The following TRIM9 variants were observed in gnomAD, a reference collection of about 807,000 sequenced individuals.
TRIM9 encodes tripartite motif containing 9.
In TRIM9, 26 loss-of-function variants were observed where a neutral mutation model predicts 78.3. The ratio of observed to expected loss-of-function variants is 0.33; its 90% CI spans 0.24 to 0.46. The LOEUF is 0.46. Among genes scored for constraint, TRIM9 ranks in the 20% least tolerant of loss-of-function variants. The probability of loss-of-function intolerance (pLI) is 1.00; values close to 1 mark genes in which losing one functional copy is unlikely to be tolerated. For missense variants in TRIM9, 787 were observed against 1,036.4 expected, an observed-to-expected ratio of 0.76 and a Z score of 3.30; for synonymous variants, 398 against 416.5, an observed-to-expected ratio of 0.96 and a Z score of 0.54.
At chr14:51,050,978 C>A (rs774352391) in intron 1 of TRIM9, among the ~76,000 whole-genome samples, 1 of 152,168 alleles carries the variant, frequency 6.6e-6, no homozygotes, top group Non-Finnish European at 1.5e-5. Context: ...CAAGCCAAGC[C>A]AAGATGCTGC....
chr14:50,992,794 G>A (rs2053690894), intron 7 of TRIM9, among the ~76,000 whole-genome samples: 1 of 152,134 alleles, frequency 6.6e-6, no homozygotes, highest in Non-Finnish European at 1.5e-5. Flanking sequence ...TCTAATCGGG[G>A]AGAAAGACAT....
intron 1 of TRIM9, 133 bp downstream of exon 1, chr14:51,093,985 G>C (rs2064697580): frequency 1.2e-6 from 1 of 833,426 alleles, no homozygotes; most frequent in African/African-American, 1.7e-5. Context: ...ACCAGACCAG[G>C]GAGGTAAACA....
chr14:50,983,723 C>T (rs1234332586), intron 8 of TRIM9, among the ~76,000 whole-genome samples: 1 of 152,114 alleles, frequency 6.6e-6, no homozygotes, highest in African/African-American at 2.4e-5. Flanking sequence ...AGTAAGAAGG[C>T]TAGCTGTTTT....
chr14:50,996,501 T>C, intron 7 of TRIM9: 2 of 985,436 alleles, frequency 2.0e-6, no homozygotes, highest in Non-Finnish European at 2.4e-6. Context: ...ATAGAAATAG[T>C]TTTCCCGCAG....
intron 1 of TRIM9, among the ~76,000 whole-genome samples, chr14:51,079,356 C>T (rs2063098105): frequency 6.6e-6 from 1 of 152,168 alleles, no homozygotes; most frequent in African/African-American, 2.4e-5. Context: ...AGATGGAATT[C>T]ATAAATTATT....
intron 1 of TRIM9, among the ~76,000 whole-genome samples, chr14:51,036,699 G>C (rs1402118985): frequency 6.6e-6 from 1 of 152,218 alleles, no homozygotes; most frequent in Non-Finnish European, 1.5e-5. Flanking sequence ...TTTCGATCCA[G>C]TGTTGGTTGA....
intron 3 of TRIM9, among the ~76,000 whole-genome samples, chr14:51,020,815 C>T (rs185885472): frequency 6.6e-6 from 1 of 152,202 alleles, no homozygotes; most frequent in African/African-American, 2.4e-5. Flanking sequence ...CAAAAAATTC[C>T]TCCTCCAGAT....
chr14:51,040,603 T>A (rs1345256829), intron 1 of TRIM9, among the ~76,000 whole-genome samples: 1 of 152,266 alleles, frequency 6.6e-6, no homozygotes, highest in Non-Finnish European at 1.5e-5. Context: ...GTCCTGCTTT[T>A]TAGAAAGGTT....
chr14:51,044,754 T>C (rs2059821618), intron 1 of TRIM9, among the ~76,000 whole-genome samples: 2 of 152,208 alleles, frequency 1.3e-5, no homozygotes, highest in African/African-American at 4.8e-5. Flanking sequence ...TGTTTTGTTA[T>C]ATGGCTAAAC....
chr14:51,063,550 C>A, intron 1 of TRIM9, among the ~76,000 whole-genome samples: 1 of 151,932 alleles, frequency 6.6e-6, no homozygotes, highest in South Asian at 2.1e-4. Context: ...ATATGACAGT[C>A]AAAGTCCTAA....
rs562396303 is a variant in TRIM9 at position 51,024,501 on chromosome 14, T to C, written c.918+764A>G. 2.0e-5 allele frequency among the ~76,000 whole-genome samples: 3 copies of C among 152,314 alleles called. No individual in the cohort carries two copies. In the South Asian group the frequency reaches 6.2e-4, roughly 32 times the overall value. On this transcript the variant is annotated intron_variant, in intron 2 of 12. Coordinates refer to ENST00000684578, the MANE Select transcript of TRIM9 (RefSeq NM_001387360.1). ...AATTTACTGGAGGCCAGAACTAAGG[T>C]TATTTCTGTGAGGCAAACCTCAAAA...
At chr14:50,983,066 G>T in intron 9 of TRIM9, 101 bp from the exon 10 acceptor site, 2 of 1,166,406 alleles carry the variant, frequency 1.7e-6, no homozygotes, top group South Asian at 1.3e-5. Flanking sequence ...TACCCCAAAA[G>T]GACTCAATTT....
In TRIM9 at chr14:51,028,095, A is replaced by G. The variant is rs552757195; in HGVS notation, c.823-2735T>C. 3.3e-5 allele frequency among the ~76,000 whole-genome samples: 5 copies of G among 152,334 alleles called. 1 individual carries two copies. The highest frequency in any genetic ancestry group is 1.2e-4 in the African/African-American group (5 of 41,582). Reference sequence around the variant, plus strand: ...ACTTAGAAATACAATCATTCCTAGTAGTAGACAAAGAGTTTTGGCCCCATC... The same window carrying G: ...ACTTAGAAATACAATCATTCCTAGTGGTAGACAAAGAGTTTTGGCCCCATC... On this transcript the variant is annotated intron_variant, in intron 1 of 12. Transcript: ENST00000684578.
intron 1 of TRIM9, among the ~76,000 whole-genome samples, chr14:51,053,568 C>CTTT (rs2060620427): frequency 1.2e-5 from 1 of 83,788 alleles, no homozygotes; most frequent in Non-Finnish European, 2.5e-5. Flanking sequence ...TTTTTTTTTA[C>CTTT]TTTTTAATTT....
In TRIM9 at chr14:51,066,081, GA is replaced by G. The variant is rs1407135512; in HGVS notation, c.822+28036del. On this transcript the variant is annotated intron_variant, in intron 1 of 12. Coordinates refer to ENST00000684578, the MANE Select transcript of TRIM9 (RefSeq NM_001387360.1). The stretch of plus-strand genomic sequence containing the variant: ...GGAAGGAAGGAAGGAAGGAAGGAAG[GA>G]AGGAAGGAGGGAGGGAGGGACGGAG... 2.1e-3 allele frequency among the ~76,000 whole-genome samples: 275 copies of G among 129,944 alleles called. 1 individual carries two copies. The highest frequency in any genetic ancestry group is 7.6e-3 in the Middle Eastern group (2 of 262). 85.2% of individuals were successfully genotyped at this position (129,944 alleles called of 152,430 possible). A position where few individuals can be genotyped will look rare whatever the true frequency, so the allele number is the denominator to read the frequency against.
Position 51,094,359 on chromosome 14 carries a change from C to A in TRIM9, c.581G>T (p.Arg194Leu). ...QCDVFYCDPC[R>L]LRCHPPRGPL... ...CCCCCGGGGCGGGTGGCAGCGCAGG[C>A]GGCACGGATCGCAGTAGAAGACATC... is the stretch of plus-strand genomic sequence containing the variant. Residue 194 changes from arginine (R) to leucine (L), a missense_variant, in exon 1 of 13, where the codon CGC becomes CTC. By Grantham distance (102) the Arg-to-Leu change is moderately radical. Transcript: ENST00000684578. The A allele has an allele frequency of 1.2e-6, 2 of 1,613,620 alleles. No individual in the cohort carries two copies. The highest frequency in any genetic ancestry group is 1.7e-4 in the Middle Eastern group (1 of 6,060).
intron 1 of TRIM9, among the ~76,000 whole-genome samples, chr14:51,028,897 C>A (rs374038423): frequency 6.6e-6 from 1 of 152,094 alleles, no homozygotes; most frequent in Non-Finnish European, 1.5e-5. Flanking sequence ...TCCCTCCTTG[C>A]GTGGCTTTCG....
At chr14:51,005,332 C>T (rs1246544168) in intron 5 of TRIM9, among the ~76,000 whole-genome samples, 3 of 152,114 alleles carry the variant, frequency 2.0e-5, no homozygotes, top group Admixed American at 6.5e-5. Context: ...TAAATACACC[C>T]TTAGGTGAGT....
At chr14:51,060,688 C>T (rs1464856402) in intron 1 of TRIM9, among the ~76,000 whole-genome samples, 2 of 152,088 alleles carry the variant, frequency 1.3e-5, no homozygotes, top group African/African-American at 4.8e-5. Flanking sequence ...AGGATGGTCT[C>T]GATCTACTGA....
Sources: gnomAD v4.1 joint callset for allele counts (sites outside exome capture counted in the v4.1 genomes callset) on GRCh38, gnomAD v4.1.1 for gene constraint, MANE v1.5 for transcripts, NCBI Gene and HGNC (gene_info 2026-07-23, HGNC 2026-07-21) for gene names.